Variants in PENK observed in about 807,000 individuals in gnomAD.
PENK encodes proenkephalin-A.
Under a neutral mutation model 24.1 loss-of-function variants are expected in PENK, and 25 were observed. The observed-to-expected ratio is 1.04, with a 90% CI of 0.76 to 1.45. The LOEUF is 1.45. Among genes scored for constraint, PENK ranks in the 40% most tolerant of loss-of-function variants. The probability of loss-of-function intolerance (pLI) is 0.00; values close to 1 mark genes in which losing one functional copy is unlikely to be tolerated. For missense variants in PENK, 353 were observed against 337.9 expected (o/e 1.04, Z -0.35); for synonymous variants, 135 against 130.3 (o/e 1.04, Z -0.24).
chr8:56,443,392 A>T (rs1804593057), intron 3 of PENK: 1 of 151,798 alleles, frequency 6.6e-6, no homozygotes, highest in Non-Finnish European at 1.5e-5. Context: ...GTGATGTGAG[A>T]TTCCTTCAAA....
intron 3 of PENK, among the ~76,000 whole-genome samples, chr8:56,444,293 T>C (rs1804613060): frequency 6.6e-6 from 1 of 152,244 alleles, no homozygotes; most frequent in African/African-American, 2.4e-5. Flanking sequence ...TCTGTGTGAT[T>C]AGAAAAATTA....
chr8:56,441,855 G>A lies in PENK; in HGVS notation c.221C>T (p.Pro74Leu), dbSNP rs112334826. 5 of 1,613,982 alleles carry A rather than the reference G, an allele frequency of 3.1e-6. No homozygotes were observed. The highest frequency in any genetic ancestry group is 4.2e-6 in the Non-Finnish European group (5 of 1,179,978). ...GCTGGTGCCATCTTGAGGAAGCTCT[G>A]GTTTGGACAGCTGCAGGAGCTCCTT... ...TCKELLQLSKPELPQDGTSTL... is the reference protein window; with the variant it reads ...TCKELLQLSKLELPQDGTSTL... The change falls in exon 4 of 4, where the codon CCA becomes CTA. Residue 74 changes from proline (P) to leucine (L), a missense_variant. Coordinates refer to ENST00000451791, the MANE Select transcript of PENK (RefSeq NM_001135690.3).
At chr8:56,444,447 G>A (rs1804616238) in intron 3 of PENK, among the ~76,000 whole-genome samples, 1 of 152,206 alleles carries the variant, frequency 6.6e-6, no homozygotes, top group Admixed American at 6.5e-5. Flanking sequence ...AGTCTTCTAT[G>A]TGGCATGTTT....
At position 56,445,803 on chromosome 8, in the gene PENK, G is replaced by T; in HGVS notation, c.138+13C>A. The T allele has an allele frequency of 6.2e-7, 1 of 1,613,324 alleles. No homozygotes were observed. Among genetic ancestry groups the T allele is most frequent in the Non-Finnish European group, 8.5e-7 (1 of 1,179,872 alleles). ...TCACAAGGTGCGCAACACTCGCCGC[G>T]CGCAACACTCACCAGGAAGTTGATG... is the stretch of plus-strand genomic sequence containing the variant. On this transcript the variant is annotated intron_variant, in intron 3 of 3. Transcript: ENST00000451791.
At chr8:56,442,509 A>G (rs1333381205) in intron 3 of PENK, among the ~76,000 whole-genome samples, 3 of 152,170 alleles carry the variant, frequency 2.0e-5, no homozygotes, top group Non-Finnish European at 4.4e-5. Flanking sequence ...ATTTAAAAAA[A>G]GTTTATAAAC....
At chr8:56,445,016 T>C (rs537677250) in intron 3 of PENK, among the ~76,000 whole-genome samples, 1 of 152,154 alleles carries the variant, frequency 6.6e-6, no homozygotes. Flanking sequence ...ATGAAAGTTA[T>C]TTTGTCCTCA....
chr8:56,442,130 G>T (rs1303037002), intron 3 of PENK, among the ~76,000 whole-genome samples, 193 bp from the exon 4 acceptor site: 2 of 152,162 alleles, frequency 1.3e-5, no homozygotes, highest in Non-Finnish European at 2.9e-5. Context: ...TTGGAAAGGT[G>T]AAAGTGGAGG....
At chr8:56,445,424 CCTTAGCTG>C in intron 3 of PENK, 1 of 448,778 alleles carries the variant, frequency 2.2e-6, no homozygotes. Flanking sequence ...GTGGAGGGGC[CCTTAGCTG>C]GGATATGTTA....
rs755069346 is a variant in PENK at position 56,441,666 on chromosome 8, C to T, written c.410G>A (p.Gly137Glu). 6.2e-7 allele frequency: 1 copy of T among 1,614,114 alleles called. No individual in the cohort carries two copies. The highest frequency in any genetic ancestry group is 8.5e-7 in the Non-Finnish European group (1 of 1,180,024). Residue 137 changes from glycine to glutamate, a missense_variant, in exon 4 of 4, where the codon GGG becomes GAG. Gly to Glu is a moderately conservative substitution (Grantham distance 98). Coordinates refer to ENST00000451791, the MANE Select transcript of PENK (RefSeq NM_001135690.3). ...NGSEILAKRY[G>E]GFMKKDAEED... is the part of the protein sequence containing the mutation. Reference sequence around the variant, plus strand: ...CTCTGCATCCTTCTTCATGAAGCCCCCATACCGCTTGGCGAGGATCTCACT... The same window carrying T: ...CTCTGCATCCTTCTTCATGAAGCCCTCATACCGCTTGGCGAGGATCTCACT...
intron 3 of PENK, 71 bp downstream of exon 3, chr8:56,445,745 A>C (rs1804645634): frequency 1.3e-6 from 2 of 1,594,298 alleles, no homozygotes; most frequent in Non-Finnish European, 1.7e-6. Flanking sequence ...GGTGGGCCGG[A>C]GGCAGTCCGC....
chr8:56,444,468 T>G (rs1804616698), intron 3 of PENK, among the ~76,000 whole-genome samples: 1 of 152,232 alleles, frequency 6.6e-6, no homozygotes, highest in African/African-American at 2.4e-5. Flanking sequence ...TGGATTTTTC[T>G]TCCTCCTTCT....
chr8:56,445,759 C>G, intron 3 of PENK, 57 bp downstream of exon 3: 1 of 1,607,378 alleles, frequency 6.2e-7, no homozygotes, highest in South Asian at 1.1e-5. Flanking sequence ...AGTCCGCGTA[C>G]TGTTGCGGAA....
At chr8:56,444,209 C>A (rs1429846863) in intron 3 of PENK, among the ~76,000 whole-genome samples, 1 of 152,214 alleles carries the variant, frequency 6.6e-6, no homozygotes, top group Non-Finnish European at 1.5e-5. Context: ...TTTGAATAGG[C>A]ATGATTAAAA....
rs202200006 is a variant in PENK, at chr8:56,441,518, A to G, written c.558T>C (p.Tyr186=). Residue 186 remains tyrosine (Y), a synonymous_variant, in exon 4 of 4, where the codon TAT becomes TAC. Coordinates refer to ENST00000451791, the MANE Select transcript of PENK (RefSeq NM_001135690.3). ...TCTTTAAGCCTCTCATGAAGCCCCCATATCTCTTGCTCACTTCTTCCTCAT... is the reference window on the plus strand; with the variant it reads ...TCTTTAAGCCTCTCATGAAGCCCCCGTATCTCTTGCTCACTTCTTCCTCAT... ...SDNEEEVSKR[Y]GGFMRGLKRS... 5.2e-5 allele frequency: 84 copies of G among 1,613,250 alleles called. 1 individual carries two copies. In the East Asian group the frequency reaches 1.7e-3, roughly 33 times the overall value.
chr8:56,445,527 G>A, intron 3 of PENK: 1 of 600,976 alleles, frequency 1.7e-6, no homozygotes. Context: ...GGACTTCTCG[G>A]GGTTCCCGAA....
At chr8:56,446,032 G>A (rs1804657557) in intron 2 of PENK, 76 bp from the exon 3 acceptor site, 2 of 1,456,506 alleles carry the variant, frequency 1.4e-6, no homozygotes, top group African/African-American at 1.4e-5. Flanking sequence ...CCCTCGCCGC[G>A]ACAGCCTCAG....
Position 56,441,719 on chromosome 8 carries a change from G to C in PENK, c.357C>G (p.Pro119=). The part of the protein sequence containing the change: ...GFMKKMDELY[P]MEPEEEANGS... The stretch of plus-strand genomic sequence containing the variant: ...CATTGGCCTCTTCTTCTGGCTCCAT[G>C]GGATAAAGCTCATCCATTTTCTTCA... Residue 119 remains proline (P), a synonymous_variant, in exon 4 of 4, where the codon CCC becomes CCG. Transcript: ENST00000451791. 1.2e-6 allele frequency: 2 copies of C among 1,613,620 alleles called. No homozygotes were observed. Among genetic ancestry groups the C allele is most frequent in the Non-Finnish European group, 1.7e-6 (2 of 1,179,894 alleles).
chr8:56,446,176 A>T, intron 2 of PENK: 2 of 548,754 alleles, frequency 3.6e-6, no homozygotes, highest in South Asian at 2.9e-5. Flanking sequence ...GTCGCCCCCA[A>T]CGCGAGGCTG....
chr8:56,442,652 CAA>C (rs957170123), intron 3 of PENK, among the ~76,000 whole-genome samples: 1 of 151,516 alleles, frequency 6.6e-6, no homozygotes, highest in Admixed American at 6.6e-5. Flanking sequence ...TTATTTTGAA[CAA>C]AATGTCTATA....
Sources: gnomAD v4.1 joint callset for allele counts (sites outside exome capture counted in the v4.1 genomes callset) on GRCh38, gnomAD v4.1.1 for gene constraint, MANE v1.5 for transcripts, NCBI Gene and HGNC (gene_info 2026-07-23, HGNC 2026-07-21) for gene names.